Variants in FAM227B observed in about 807,000 individuals in gnomAD.
The protein encoded by FAM227B is family with sequence similarity 227 member B.
FAM227B carries 88 observed loss-of-function variants against 73.8 expected under a neutral mutation model. That is an observed-to-expected ratio of 1.19 (90% CI 1.00 to 1.42). The LOEUF (loss-of-function observed/expected upper bound fraction) is 1.42. FAM227B is among the 40% of genes most tolerant of loss of function. FAM227B has a pLI of 0.00. For synonymous variants in FAM227B, 210 were observed against 190.5 expected (o/e 1.10, Z -0.84); for missense variants, 632 against 590.9 (o/e 1.07, Z -0.72).
Position 49,516,803 on chromosome 15 carries a change from G to T in FAM227B, c.875-8455C>A, listed in dbSNP as rs140573203. Among the ~76,000 whole-genome samples, 11 of 152,162 alleles carry T rather than the reference G, an allele frequency of 7.2e-5. No individual in the cohort carries two copies. The East Asian group carries it at 2.1e-3, about 29-fold the overall frequency. ...GACTTAAGGGAGAAGACAGAATTAAGTTTGCTAATTGGCTGACCATAAAAT... is the reference window on the plus strand; with the variant it reads ...GACTTAAGGGAGAAGACAGAATTAATTTTGCTAATTGGCTGACCATAAAAT... On this transcript the variant is annotated intron_variant, in intron 10 of 15. Transcript: ENST00000299338.
chr15:49,336,409 A>C (rs1482320044), intron 13 of FAM227B, among the ~76,000 whole-genome samples: 1 of 152,204 alleles, frequency 6.6e-6, no homozygotes, highest in African/African-American at 2.4e-5. Context: ...GCAAGGAGAC[A>C]GCTCCTCAGC....
intron 11 of FAM227B, among the ~76,000 whole-genome samples, chr15:49,444,457 A>AT (rs2051987653): frequency 6.6e-6 from 1 of 151,788 alleles, no homozygotes. Flanking sequence ...CTTTTTTAGG[A>AT]TAAAAAGTAA....
At chr15:49,550,498 C>T (rs1255163444) in intron 9 of FAM227B, among the ~76,000 whole-genome samples, 4 of 151,048 alleles carry the variant, frequency 2.6e-5, no homozygotes, top group East Asian at 2.0e-4. Context: ...GGGCAGCTGC[C>T]AGGCGGAGGG....
intron 13 of FAM227B, chr15:49,366,332 C>T (rs1025652316): frequency 2.5e-6 from 2 of 785,944 alleles, no homozygotes; most frequent in Non-Finnish European, 4.7e-6. Flanking sequence ...AAATAGGATA[C>T]TGTTATTGAC....
At chr15:49,439,865 G>T (rs2051470747) in intron 11 of FAM227B, among the ~76,000 whole-genome samples, 1 of 151,726 alleles carries the variant, frequency 6.6e-6, no homozygotes, top group African/African-American at 2.4e-5. Context: ...GGAATTACAG[G>T]TCTGGAAGGA....
chr15:49,497,067 A>G (rs540117660), intron 11 of FAM227B, among the ~76,000 whole-genome samples: 1 of 152,114 alleles, frequency 6.6e-6, no homozygotes, highest in Non-Finnish European at 1.5e-5. Flanking sequence ...TTCAGCACCT[A>G]TGGATAGAAG....
At chr15:49,496,083 A>T (rs968886488) in intron 11 of FAM227B, among the ~76,000 whole-genome samples, 1 of 152,154 alleles carries the variant, frequency 6.6e-6, no homozygotes, top group Non-Finnish European at 1.5e-5. Flanking sequence ...TCTTTATAAC[A>T]TATGGAATCC....
intron 10 of FAM227B, among the ~76,000 whole-genome samples, chr15:49,529,104 G>C (rs1294605115): frequency 6.6e-6 from 1 of 151,682 alleles, no homozygotes; most frequent in Non-Finnish European, 1.5e-5. Context: ...ATCAGATAAA[G>C]AAAATATGGA....
intron 4 of FAM227B, among the ~76,000 whole-genome samples, chr15:49,588,583 ATATATATATATATATAT>A (rs1567647573): frequency 8.6e-5 from 11 of 128,074 alleles, no homozygotes; most frequent in Non-Finnish European, 1.5e-4. Flanking sequence ...ATATATATAT[ATATATATATATATATAT>A]AAAATTACCT....
intron 12 of FAM227B, among the ~76,000 whole-genome samples, chr15:49,369,508 A>G (rs1403359085): frequency 6.6e-6 from 1 of 152,212 alleles, no homozygotes; most frequent in Non-Finnish European, 1.5e-5. Context: ...GATGAAATAG[A>G]AAGTCCAAGG....
chr15:49,614,304 T>G (rs2078145875), intron 2 of FAM227B, among the ~76,000 whole-genome samples: 4 of 152,022 alleles, frequency 2.6e-5, no homozygotes, highest in Non-Finnish European at 4.4e-5. Context: ...ATGATAATAA[T>G]AAGACAAACT....
At chr15:49,537,530 G>C (rs2070449080) in intron 10 of FAM227B, among the ~76,000 whole-genome samples, 1 of 151,978 alleles carries the variant, frequency 6.6e-6, no homozygotes, top group South Asian at 2.1e-4. Flanking sequence ...ATTTAAAATA[G>C]AACTACCATG....
intron 4 of FAM227B, among the ~76,000 whole-genome samples, chr15:49,588,750 G>A (rs1367674633): frequency 1.3e-5 from 2 of 150,216 alleles, no homozygotes; most frequent in African/African-American, 4.9e-5. Flanking sequence ...ATATATATGT[G>A]TGTGTATTTA....
intron 11 of FAM227B, among the ~76,000 whole-genome samples, chr15:49,429,502 A>G (rs184219318): frequency 2.1e-3 from 321 of 152,018 alleles, no homozygotes; most frequent in South Asian, 6.8e-3. Flanking sequence ...CTTATGACTC[A>G]GCTGTACAAT....
chr15:49,396,408 C>T (rs1001607823), intron 11 of FAM227B: 48 of 203,964 alleles, frequency 2.4e-4, no homozygotes, highest in African/African-American at 1.1e-3. Flanking sequence ...AAGGCGGCAG[C>T]GAGGCTGGGG....
intron 11 of FAM227B, among the ~76,000 whole-genome samples, chr15:49,462,493 C>G (rs181372713): frequency 5.3e-5 from 8 of 152,290 alleles, no homozygotes; most frequent in African/African-American, 1.9e-4. Flanking sequence ...AATATAATTT[C>G]TAACATAATT....
intron 11 of FAM227B, among the ~76,000 whole-genome samples, chr15:49,507,317 T>C (rs1251356679): frequency 1.3e-5 from 2 of 152,128 alleles, no homozygotes; most frequent in African/African-American, 4.8e-5. Flanking sequence ...AACTAAAGAA[T>C]AACTTCCCAA....
At chr15:49,350,814 CAA>C (rs1362673655) in intron 13 of FAM227B, among the ~76,000 whole-genome samples, 9 of 152,028 alleles carry the variant, frequency 5.9e-5, no homozygotes, top group Admixed American at 5.9e-4. Flanking sequence ...ATATGCGAGC[CAA>C]AGACAAAGTG....
intron 13 of FAM227B, among the ~76,000 whole-genome samples, chr15:49,341,135 G>T (rs1250595343): frequency 2.0e-5 from 3 of 152,088 alleles, no homozygotes; most frequent in African/African-American, 4.8e-5. Context: ...GTCTGTTGTT[G>T]TACCAGTACC....
Sources: gnomAD v4.1 joint callset for allele counts (sites outside exome capture counted in the v4.1 genomes callset) on GRCh38, gnomAD v4.1.1 for gene constraint, MANE v1.5 for transcripts, NCBI Gene and HGNC (gene_info 2026-07-23, HGNC 2026-07-21) for gene names.